Variants in IGF1R observed in about 807,000 individuals in gnomAD.
IGF1R encodes the protein insulin-like growth factor 1 receptor.
Under a neutral mutation model 144.6 loss-of-function variants are expected in IGF1R, and 44 were observed. That is an observed-to-expected ratio of 0.30 (90% CI 0.24 to 0.39). IGF1R has a LOEUF of 0.39. Ranked by LOEUF, IGF1R falls within the 10% of genes least tolerant of loss-of-function variation. IGF1R has a pLI of 1.00. For missense variants in IGF1R, 1,355 were observed against 1,833.7 expected, an observed-to-expected ratio of 0.74 and a Z score of 4.77; for synonymous variants, 795 against 722.8, an observed-to-expected ratio of 1.10 and a Z score of -1.60.
intron 1 of IGF1R, among the ~76,000 whole-genome samples, chr15:98,658,185 C>T (rs896001444): frequency 1.3e-5 from 2 of 152,168 alleles, no homozygotes; most frequent in African/African-American, 4.8e-5. Flanking sequence ...TGTGTTATGC[C>T]TGTCTTCAAG....
chr15:98,925,578 A>G (rs1056185984), intron 13 of IGF1R, among the ~76,000 whole-genome samples: 3 of 152,152 alleles, frequency 2.0e-5, no homozygotes, highest in African/African-American at 7.2e-5. Context: ...TGGTGTCCAC[A>G]TTTCTGCTAC....
At chr15:98,889,792 G>T (rs1364255543) in intron 2 of IGF1R, among the ~76,000 whole-genome samples, 1 of 152,074 alleles carries the variant, frequency 6.6e-6, no homozygotes, top group East Asian at 1.9e-4. Flanking sequence ...TTTTAATCAT[G>T]TATTTTTATT....
chr15:98,863,378 A>G (rs947525698), intron 2 of IGF1R, among the ~76,000 whole-genome samples: 1 of 152,146 alleles, frequency 6.6e-6, no homozygotes, highest in Non-Finnish European at 1.5e-5. Flanking sequence ...AATTAGGAAG[A>G]ATCTTTTGGA....
At chr15:98,923,779 C>G in intron 11 of IGF1R, 97 bp from the exon 12 acceptor site, 1 of 966,828 alleles carries the variant, frequency 1.0e-6, no homozygotes, top group Admixed American at 1.7e-5. Context: ...CACTGTCCTG[C>G]CCGTGTGGAT....
rs555948484 is a variant in IGF1R at position 98,957,889 on chromosome 15, C to G, written c.*447C>G. ...GCCCCATCCAACCACTGTACACACCCGCCTGACACCGTGGGTCATTACAAA... is the reference window on the plus strand; with the variant it reads ...GCCCCATCCAACCACTGTACACACCGGCCTGACACCGTGGGTCATTACAAA... On this transcript the variant is annotated 3_prime_UTR_variant, in exon 21 of 21. Coordinates refer to ENST00000650285, the MANE Select transcript of IGF1R (RefSeq NM_000875.5). The G allele has an allele frequency of 2.0e-5, 5 of 246,590 alleles. No homozygotes were observed. The highest frequency in any genetic ancestry group is 3.2e-5 in the Non-Finnish European group (4 of 126,816). 15.3% of individuals were successfully genotyped at this position (246,590 alleles called of 1,614,324 possible).
intron 12 of IGF1R, 144 bp downstream of exon 12, chr15:98,924,156 C>T (rs909142763): frequency 1.8e-5 from 15 of 847,200 alleles, no homozygotes; most frequent in Admixed American, 7.4e-5. Flanking sequence ...TTGGGTCTTT[C>T]TACCCACTCT....
At chr15:98,731,967 A>G (rs1305993946) in intron 2 of IGF1R, among the ~76,000 whole-genome samples, 1 of 152,200 alleles carries the variant, frequency 6.6e-6, no homozygotes, top group Non-Finnish European at 1.5e-5. Context: ...TCAGAGAGAC[A>G]GTCTTCACCC....
intron 2 of IGF1R, among the ~76,000 whole-genome samples, chr15:98,812,637 C>T (rs2056615416): frequency 1.3e-5 from 2 of 152,260 alleles, no homozygotes; most frequent in African/African-American, 2.4e-5. Context: ...GGATTACAGG[C>T]GTGAACCACC....
rs117627511 is a variant in IGF1R at position 98,777,465 on chromosome 15, G to A, written c.640+69358G>A. Among the ~76,000 whole-genome samples, 172 of 152,344 alleles carry A rather than the reference G, an allele frequency of 1.1e-3. 5 individuals are homozygous for A. In the East Asian group the frequency reaches 0.03, roughly 27 times the overall value. The stretch of plus-strand genomic sequence containing the variant: ...CCCTGAGAAACAAAATGCTGGTTAA[G>A]GACACAGTCTGCTCACCGACCTCGG... On this transcript the variant is annotated intron_variant, in intron 2 of 20. Transcript: ENST00000650285.
At chr15:98,687,290 G>A (rs542647704) in intron 1 of IGF1R, among the ~76,000 whole-genome samples, 12 of 152,286 alleles carry the variant, frequency 7.9e-5, no homozygotes, top group Non-Finnish European at 1.5e-4. Flanking sequence ...GTCCTGTGGC[G>A]GTGAAGGGGC....
intron 2 of IGF1R, among the ~76,000 whole-genome samples, chr15:98,751,143 G>C (rs928393459): frequency 6.6e-6 from 1 of 152,084 alleles, no homozygotes; most frequent in East Asian, 1.9e-4. Flanking sequence ...GCCTCTGATC[G>C]TTACATGTTT....
intron 2 of IGF1R, among the ~76,000 whole-genome samples, chr15:98,876,761 C>T (rs997517825): frequency 6.6e-6 from 1 of 152,128 alleles, no homozygotes; most frequent in Middle Eastern, 3.4e-3. Context: ...GTACAGTTCC[C>T]CCAAAAAACT....
At chr15:98,792,995 C>T (rs187905081) in intron 2 of IGF1R, among the ~76,000 whole-genome samples, 268 of 151,962 alleles carry the variant, frequency 1.8e-3, no homozygotes, top group Non-Finnish European at 1.8e-3. Flanking sequence ...TTTTTTTCTT[C>T]CTCCTGAAAA....
At chr15:98,693,926 T>C (rs1448750995) in intron 1 of IGF1R, among the ~76,000 whole-genome samples, 1 of 152,174 alleles carries the variant, frequency 6.6e-6, no homozygotes, top group Non-Finnish European at 1.5e-5. Flanking sequence ...TCTTCTGTTT[T>C]TGCCCACTGT....
At position 98,734,507 on chromosome 15, in the gene IGF1R, A is replaced by G. The variant is rs138243480; in HGVS notation, c.640+26400A>G. Among the ~76,000 whole-genome samples the G allele has an allele frequency of 2.7e-4, 41 of 152,322 alleles. No homozygotes were observed. The East Asian group carries it at 5.6e-3, about 21-fold the overall frequency. Reference sequence around the variant, plus strand: ...GAGTTTATACCCATGGAGGTTTCGTAAAGGTGACATTAACTTCGCAGTAAA... The same window carrying G: ...GAGTTTATACCCATGGAGGTTTCGTGAAGGTGACATTAACTTCGCAGTAAA... On this transcript the variant is annotated intron_variant, in intron 2 of 20. Transcript: ENST00000650285.
chr15:98,743,751 A>G (rs61168554), intron 2 of IGF1R, among the ~76,000 whole-genome samples: 56,097 of 152,026 alleles, frequency 0.37, 10,601 homozygotes, highest in African/African-American at 0.42. Context: ...GCCACAGTGT[A>G]AAGAATAGAT....
chr15:98,822,969 C>G (rs2056828978), intron 2 of IGF1R, among the ~76,000 whole-genome samples: 1 of 152,130 alleles, frequency 6.6e-6, no homozygotes, highest in Non-Finnish European at 1.5e-5. Context: ...AGAGTTTTCC[C>G]ACTTGAAAAC....
chr15:98,838,743 A>G (rs1479544511), intron 2 of IGF1R, among the ~76,000 whole-genome samples: 1 of 152,224 alleles, frequency 6.6e-6, no homozygotes, highest in African/African-American at 2.4e-5. Context: ...GACAGCTGAA[A>G]TAAGCCCGTG....
intron 2 of IGF1R, among the ~76,000 whole-genome samples, chr15:98,836,802 A>G (rs2011103541): frequency 6.6e-6 from 1 of 152,176 alleles, no homozygotes; most frequent in African/African-American, 2.4e-5. Flanking sequence ...AATAGTATGG[A>G]CAGGTTGTTG....
Sources: allele counts gnomAD v4.1 joint callset (sites outside exome capture counted in the v4.1 genomes callset), GRCh38; gene constraint gnomAD v4.1.1; transcripts MANE v1.5; gene names NCBI Gene and HGNC (gene_info 2026-07-23, HGNC 2026-07-21).